SAMD8: variants seen among roughly 807,000 people sequenced by gnomAD.
The protein encoded by SAMD8 is sterile alpha motif domain containing 8.
Under a neutral mutation model 42.0 loss-of-function variants are expected in SAMD8, and 20 were observed. That is an observed-to-expected ratio of 0.48 (90% confidence interval 0.34 to 0.69). The LOEUF (loss-of-function observed/expected upper bound fraction) is 0.69. SAMD8 is among the 30% of genes least tolerant of loss of function. The pLI is 0.01. For synonymous variants in SAMD8, 162 were observed against 173.0 expected, an observed-to-expected ratio of 0.94 and a Z score of 0.50; for missense variants, 328 against 511.6, an observed-to-expected ratio of 0.64 and a Z score of 3.46.
chr10:75,115,626 T>C (rs1475756861), intron 1 of SAMD8, among the ~76,000 whole-genome samples: 1 of 152,200 alleles, frequency 6.6e-6, no homozygotes, highest in Non-Finnish European at 1.5e-5. Context: ...TGTTCTGTTA[T>C]TGGGTCCTCA....
chr10:75,180,648 G>A lies in SAMD8; in HGVS notation c.*3956G>A, dbSNP rs1292248798. On this transcript the variant is annotated 3_prime_UTR_variant, in exon 6 of 6. Coordinates refer to ENST00000542569, the MANE Select transcript of SAMD8 (RefSeq NM_001174156.2). ...GTGACAGAGAGACCAGAACCCATTG[G>A]ATCAAGAGACCTGCAGGGATTATAA... is the stretch of plus-strand genomic sequence containing the variant. 2.0e-5 allele frequency: 3 copies of A among 152,168 alleles called. No individual in the cohort carries two copies. Among genetic ancestry groups the A allele is most frequent in the African/African-American group, 7.2e-5 (3 of 41,444 alleles). The allele number at this position is 152,168 out of a possible 1,614,324, so 9.4% of individuals were successfully genotyped here. A position where few individuals can be genotyped will look rare whatever the true frequency, so the allele number is the denominator to read the frequency against.
chr10:75,174,791 T>A (rs1840952605), intron 4 of SAMD8, among the ~76,000 whole-genome samples: 1 of 150,316 alleles, frequency 6.7e-6, no homozygotes, highest in Non-Finnish European at 1.5e-5. Context: ...TCACTCAAGG[T>A]CTTCCTCAAA....
chr10:75,163,500 C>T (rs944325917), intron 2 of SAMD8, among the ~76,000 whole-genome samples: 2 of 152,008 alleles, frequency 1.3e-5, no homozygotes, highest in Non-Finnish European at 2.9e-5. Flanking sequence ...GTGATGAAAC[C>T]TCGGCTCACT....
At chr10:75,104,307 C>G (rs1383433166) in intron 1 of SAMD8, among the ~76,000 whole-genome samples, 1 of 152,158 alleles carries the variant, frequency 6.6e-6, no homozygotes, top group Non-Finnish European at 1.5e-5. Context: ...TCCCCATGGG[C>G]CCCTTATCTT....
At chr10:75,143,830 T>G (rs974532070) in intron 1 of SAMD8, among the ~76,000 whole-genome samples, 5 of 152,134 alleles carry the variant, frequency 3.3e-5, no homozygotes, top group Non-Finnish European at 5.9e-5. Context: ...TTTTGGCCAT[T>G]GTTACTTCAA....
At chr10:75,171,183 T>TTTTTTTTTTTTTTTTTC in intron 4 of SAMD8, among the ~76,000 whole-genome samples, 1 of 140,950 alleles carries the variant, frequency 7.1e-6, no homozygotes, top group African/African-American at 2.7e-5. Flanking sequence ...TTTTTTTTTT[T>TTTTTTTTTTTTTTTTTC]TGAGATGGAG....
At chr10:75,111,609 C>T (rs1348909751), upstream of SAMD8, 2 of 1,249,828 alleles carry the variant, frequency 1.6e-6, no homozygotes, top group Non-Finnish European at 2.0e-6. Context: ...CCGGGCTCCG[C>T]CCCCGCCGCT....
At chr10:75,141,562 G>A (rs1186370146) in intron 1 of SAMD8, among the ~76,000 whole-genome samples, 1 of 141,290 alleles carries the variant, frequency 7.1e-6, no homozygotes, top group East Asian at 2.1e-4. Context: ...TTTTCCTCGA[G>A]ATGGAGTCTC....
chr10:75,111,155 T>C (rs560641764), upstream of SAMD8, among the ~76,000 whole-genome samples: 4 of 152,356 alleles, frequency 2.6e-5, no homozygotes, highest in Admixed American at 6.5e-5. Context: ...GCGTTTGGCA[T>C]AGACACTGTC....
chr10:75,171,869 A>G (rs1195743060), intron 4 of SAMD8, among the ~76,000 whole-genome samples: 1 of 152,064 alleles, frequency 6.6e-6, no homozygotes, highest in Non-Finnish European at 1.5e-5. Flanking sequence ...TACTAAAAAT[A>G]CAAATAATTA....
At chr10:75,127,924 AGTTAACTCTTCCTAG>A (rs1849182459) in intron 1 of SAMD8, among the ~76,000 whole-genome samples, 1 of 152,176 alleles carries the variant, frequency 6.6e-6, no homozygotes, top group Admixed American at 6.5e-5. Context: ...CATTCAGTGC[AGTTAACTCTTCCTAG>A]GTGATAAACC....
At chr10:75,109,038 T>A, upstream of SAMD8, 1 of 1,610,962 alleles carries the variant, frequency 6.2e-7, no homozygotes, top group African/African-American at 1.3e-5. Context: ...TGGGCCAAAC[T>A]TCGTCCACAC....
chr10:75,163,829 CT>C (rs1840614712), intron 2 of SAMD8, among the ~76,000 whole-genome samples: 1 of 151,984 alleles, frequency 6.6e-6, no homozygotes, highest in Non-Finnish European at 1.5e-5. Flanking sequence ...ATCATAGGAG[CT>C]GTTTGGTGGG....
At chr10:75,141,442 CTG>C (rs1840012694) in intron 1 of SAMD8, among the ~76,000 whole-genome samples, 1 of 151,364 alleles carries the variant, frequency 6.6e-6, no homozygotes, top group East Asian at 1.9e-4. Context: ...ATTCTAGTAA[CTG>C]TTTTTGGTAT....
intron 1 of SAMD8, among the ~76,000 whole-genome samples, chr10:75,149,151 C>A (rs1840220757): frequency 6.6e-6 from 1 of 151,766 alleles, no homozygotes; most frequent in African/African-American, 2.4e-5. Flanking sequence ...AACCTACAGG[C>A]TTTAATAGTT....
chr10:75,117,678 T>G (rs959840381), intron 1 of SAMD8, among the ~76,000 whole-genome samples: 113 of 152,106 alleles, frequency 7.4e-4, no homozygotes, highest in African/African-American at 2.7e-3. Context: ...GATTGCGCCA[T>G]TATACTCCAG....
Position 75,181,157 on chromosome 10 carries a change from C to T in SAMD8, c.*4465C>T, listed in dbSNP as rs1841075313. 6.6e-6 allele frequency: 1 copy of T among 152,136 alleles called. No individual in the cohort carries two copies. Among genetic ancestry groups the T allele is most frequent in the South Asian group, 2.1e-4 (1 of 4,834 alleles). The allele number at this position is 152,136 out of a possible 1,614,324, so 9.4% of individuals were successfully genotyped here. ...AGTCCAATTGCTTTCTTAAACAGTA[C>T]TGGTTTCATTTAGACAGTTTCTAAG... On this transcript the variant is annotated 3_prime_UTR_variant, in exon 6 of 6. Transcript: ENST00000542569.
At chr10:75,127,241 T>C (rs1849167126) in intron 1 of SAMD8, among the ~76,000 whole-genome samples, 1 of 152,136 alleles carries the variant, frequency 6.6e-6, no homozygotes, top group African/African-American at 2.4e-5. Context: ...TACATTCTTC[T>C]GCTGATAACT....
chr10:75,139,660 G>C (rs1839973349), intron 1 of SAMD8, among the ~76,000 whole-genome samples: 1 of 152,134 alleles, frequency 6.6e-6, no homozygotes, highest in Non-Finnish European at 1.5e-5. Flanking sequence ...TTAGGGATTA[G>C]TTTTCAAATT....
Sources: allele counts gnomAD v4.1 joint callset (sites outside exome capture counted in the v4.1 genomes callset), GRCh38; gene constraint gnomAD v4.1.1; transcripts MANE v1.5; gene names NCBI Gene and HGNC (gene_info 2026-07-23, HGNC 2026-07-21).